Variants in FBN1 observed in about 807,000 individuals in gnomAD.
FBN1 encodes fibrillin-1.
FBN1 carries 29 observed loss-of-function variants against 365.1 expected under a neutral mutation model. That is an observed-to-expected ratio of 0.08 (90% confidence interval 0.06 to 0.11). FBN1 has a LOEUF of 0.11. Ranked by LOEUF, FBN1 falls within the 10% of genes least tolerant of loss-of-function variation. The pLI, the probability that FBN1 is intolerant of heterozygous loss-of-function variation, is 1.00. For synonymous variants in FBN1, 1,210 were observed against 1,270.5 expected (o/e 0.95, Z 1.01); for missense variants, 2,476 against 3,703.2 (o/e 0.67, Z 8.60).
At chr15:48,427,545 T>G (rs779795446) in intron 58 of FBN1, 22 bp downstream of exon 58, 3 of 1,606,954 alleles carry the variant, frequency 1.9e-6, no homozygotes, top group Non-Finnish European at 2.6e-6. Context: ...CTGCAAGTAT[T>G]TTTGGACTAT....
intron 25 of FBN1, among the ~76,000 whole-genome samples, chr15:48,489,339 G>A (rs369167942): frequency 1.6e-4 from 23 of 148,152 alleles, no homozygotes; most frequent in African/African-American, 5.2e-4. Context: ...ATGAGCCACC[G>A]CATCCAGCTC....
At chr15:48,542,793 G>A (rs2044067608) in intron 6 of FBN1, among the ~76,000 whole-genome samples, 1 of 119,796 alleles carries the variant, frequency 8.3e-6, no homozygotes, top group Admixed American at 8.5e-5. Flanking sequence ...GTGTGTGTGT[G>A]TGTGTGTGTG....
intron 48 of FBN1, among the ~76,000 whole-genome samples, chr15:48,445,107 TATATATATATATACAC>T (rs1176746768): frequency 3.7e-5 from 5 of 136,368 alleles, no homozygotes; most frequent in African/African-American, 8.1e-5. Context: ...AAAAAGTGAT[TATATATATATATACAC>T]ATATATATAT....
At chr15:48,513,508 C>T (rs752907145) in intron 13 of FBN1, 41 bp downstream of exon 13, 11 of 1,613,624 alleles carry the variant, frequency 6.8e-6, no homozygotes, top group Admixed American at 1.7e-5. Context: ...CCCCAGTTAG[C>T]ATATATGTCC....
intron 9 of FBN1, among the ~76,000 whole-genome samples, chr15:48,523,697 C>T (rs553684114): frequency 7.4e-6 from 1 of 134,864 alleles, no homozygotes; most frequent in Non-Finnish European, 1.5e-5. Flanking sequence ...AGCAGTGCCA[C>T]ACCAAGGGTG....
chr15:48,497,303 T>C lies in FBN1; in HGVS notation c.2256A>G (p.Ser752=). The change falls in exon 19 of 66, where the codon TCA becomes TCG. Residue 752 remains serine, a synonymous_variant. Transcript: ENST00000316623. ...LRGTYKCICN[S]GYEVDSTGKN... ...TCCCAGTTGAATCCACTTCATATCC[T>C]GAATTGCATATACATTTATAGGTCC... The C allele has an allele frequency of 6.2e-7, 1 of 1,614,112 alleles. No individual in the cohort carries two copies. The highest frequency in any genetic ancestry group is 2.2e-5 in the East Asian group (1 of 44,862).
chr15:48,472,458 TAA>T (rs67860867), intron 35 of FBN1, 91 bp downstream of exon 35: 144,305 of 1,119,960 alleles, frequency 0.13, 5 homozygotes, highest in East Asian at 0.15. Flanking sequence ...CACCTCAGTT[TAA>T]AAAAAAAAAA....
At chr15:48,483,699 C>G in intron 31 of FBN1, 119 bp downstream of exon 31, 1 of 1,206,622 alleles carries the variant, frequency 8.3e-7, no homozygotes, top group South Asian at 1.3e-5. Flanking sequence ...TATTGTGCCT[C>G]TAAATATCCT....
At chr15:48,522,551 T>A (rs1247252211) in intron 9 of FBN1, among the ~76,000 whole-genome samples, 9 of 152,164 alleles carry the variant, frequency 5.9e-5, no homozygotes, top group Non-Finnish European at 1.3e-4. Context: ...AATCCATCCC[T>A]GGGTTTCCTG....
At chr15:48,557,878 G>A (rs2044193782) in intron 6 of FBN1, among the ~76,000 whole-genome samples, 1 of 152,176 alleles carries the variant, frequency 6.6e-6, no homozygotes, top group Admixed American at 6.5e-5. Context: ...TACTATGCCT[G>A]AAATATAATT....
intron 7 of FBN1, among the ~76,000 whole-genome samples, chr15:48,535,868 A>AT (rs2044008595): frequency 6.6e-6 from 1 of 152,192 alleles, no homozygotes; most frequent in Non-Finnish European, 1.5e-5. Context: ...TGTTGAATGT[A>AT]TTTTTTAAAA....
At chr15:48,562,353 T>C (rs1285017689) in intron 6 of FBN1, among the ~76,000 whole-genome samples, 1 of 152,202 alleles carries the variant, frequency 6.6e-6, no homozygotes, top group Non-Finnish European at 1.5e-5. Context: ...TGAAAGAGCA[T>C]GTAACACAGT....
At chr15:48,425,273 G>A in intron 60 of FBN1, 96 bp downstream of exon 60, 2 of 1,538,998 alleles carry the variant, frequency 1.3e-6, no homozygotes, top group African/African-American at 2.7e-5. Flanking sequence ...TGCCTGTAGA[G>A]CAGGTCTTTC....
At chr15:48,483,779 T>C (rs1431813483) in intron 31 of FBN1, 39 bp downstream of exon 31, 6 of 1,611,388 alleles carry the variant, frequency 3.7e-6, no homozygotes, top group Non-Finnish European at 5.1e-6. Flanking sequence ...TGCTTATGAC[T>C]AACAAGACAA....
intron 34 of FBN1, among the ~76,000 whole-genome samples, chr15:48,473,176 C>G (rs192359220): frequency 2.0e-5 from 3 of 152,050 alleles, no homozygotes; most frequent in Non-Finnish European, 1.5e-5. Flanking sequence ...AATATGTTCT[C>G]AAAATGATGG....
chr15:48,452,596 G>A lies in FBN1; in HGVS notation c.5511C>T (p.Pro1837=), dbSNP rs372767912. Residue 1837 remains proline (P), a synonymous_variant, in exon 45 of 66, where the codon CCC becomes CCT. Transcript: ENST00000316623. ...TAGSYRCDCK[P]GYRFTSTGQC... ...GTCCTGTGGAGGTGAAGCGGTAGCC[G>A]GGCTTACAGTCACAGCGGTAGCTGC... The A allele has an allele frequency of 1.6e-5, 26 of 1,614,002 alleles. No homozygotes were observed. The highest frequency in any genetic ancestry group is 7.7e-5 in the South Asian group (7 of 91,084).
At chr15:48,533,017 A>G (rs770950018) in intron 8 of FBN1, among the ~76,000 whole-genome samples, 1 of 152,210 alleles carries the variant, frequency 6.6e-6, no homozygotes, top group Non-Finnish European at 1.5e-5. Flanking sequence ...GGGCAAGTAG[A>G]TATTAAATGT....
chr15:48,573,775 C>T (rs901436847), intron 6 of FBN1, among the ~76,000 whole-genome samples: 2 of 152,180 alleles, frequency 1.3e-5, no homozygotes, highest in African/African-American at 4.8e-5. Context: ...GCCTGCTCCC[C>T]CAGGAAAACC....
chr15:48,539,145 C>G (rs957583188), intron 6 of FBN1, among the ~76,000 whole-genome samples: 22 of 152,260 alleles, frequency 1.4e-4, no homozygotes, highest in African/African-American at 4.8e-4. Flanking sequence ...TCTTGCATCT[C>G]CACTCCAACC....
Sources: gnomAD v4.1 joint callset for allele counts (sites outside exome capture counted in the v4.1 genomes callset) on GRCh38, gnomAD v4.1.1 for gene constraint, MANE v1.5 for transcripts, NCBI Gene and HGNC (gene_info 2026-07-23, HGNC 2026-07-21) for gene names.